The following CGNL1 variants were observed in gnomAD, a reference collection of about 807,000 sequenced individuals.
CGNL1 encodes the protein cingulin-like protein 1.
In CGNL1, 132 loss-of-function variants were observed where a neutral mutation model predicts 141.2. The observed-to-expected ratio is 0.93, with a 90% CI of 0.81 to 1.08. The LOEUF is 1.08. Ranked by LOEUF, CGNL1 falls within the 50% of genes least tolerant of loss-of-function variation. The probability of loss-of-function intolerance (pLI) is 0.00; values close to 1 mark genes in which losing one functional copy is unlikely to be tolerated. For synonymous variants in CGNL1, 690 were observed against 622.1 expected (o/e 1.11, Z -1.63); for missense variants, 1,870 against 1,588.6 (o/e 1.18, Z -3.01).
At chr15:57,506,509 G>T (rs1229715365) in intron 8 of CGNL1, among the ~76,000 whole-genome samples, 1 of 152,346 alleles carries the variant, frequency 6.6e-6, no homozygotes, top group African/African-American at 2.4e-5. Context: ...GCCTAAGGCT[G>T]TGTTTCATAG....
intron 1 of CGNL1, among the ~76,000 whole-genome samples, chr15:57,392,148 C>T (rs1255216261): frequency 6.6e-6 from 1 of 152,076 alleles, no homozygotes. Flanking sequence ...TCATGCCCTT[C>T]TTGGCTGTTT....
At chr15:57,381,208 G>A (rs967532465) in intron 1 of CGNL1, among the ~76,000 whole-genome samples, 2 of 152,146 alleles carry the variant, frequency 1.3e-5, no homozygotes, top group Non-Finnish European at 2.9e-5. Context: ...AGGTGGCAGT[G>A]ACCTCATTTT....
chr15:57,523,394 G>A (rs1276813725), intron 10 of CGNL1, 95 bp from the exon 11 acceptor site: 1 of 1,030,802 alleles, frequency 9.7e-7, no homozygotes, highest in South Asian at 1.5e-5. Context: ...AGATCTGATT[G>A]CTTTGCAGTG....
At chr15:57,414,463 A>T (rs2062826599) in intron 1 of CGNL1, among the ~76,000 whole-genome samples, 3 of 152,204 alleles carry the variant, frequency 2.0e-5, no homozygotes, top group African/African-American at 7.2e-5. Context: ...GAGTGCAGTG[A>T]GGAACAGTAC....
At chr15:57,503,505 C>T (rs2064056593) in intron 8 of CGNL1, among the ~76,000 whole-genome samples, 1 of 152,100 alleles carries the variant, frequency 6.6e-6, no homozygotes, top group African/African-American at 2.4e-5. Context: ...GAGGACTGGG[C>T]CCCCTTGTGT....
At chr15:57,452,909 G>C (rs892777748) in intron 6 of CGNL1, among the ~76,000 whole-genome samples, 1 of 152,174 alleles carries the variant, frequency 6.6e-6, no homozygotes, top group Admixed American at 6.5e-5. Context: ...TCAAGAAAAA[G>C]AGGACATTAT....
chr15:57,411,158 A>G (rs147465825), intron 1 of CGNL1, among the ~76,000 whole-genome samples: 97 of 152,362 alleles, frequency 6.4e-4, no homozygotes, highest in African/African-American at 2.0e-3. Flanking sequence ...CCACAGACAC[A>G]GAGACTTTTC....
chr15:57,546,038 A>G (rs758128517), intron 17 of CGNL1, 38 bp from the exon 18 acceptor site: 3 of 1,590,762 alleles, frequency 1.9e-6, no homozygotes, highest in Non-Finnish European at 2.6e-6. Flanking sequence ...GGGCTGGGCC[A>G]TCAGCCGGCA....
At chr15:57,483,081 C>T (rs551288863) in intron 8 of CGNL1, among the ~76,000 whole-genome samples, 2 of 152,348 alleles carry the variant, frequency 1.3e-5, no homozygotes, top group South Asian at 2.1e-4. Context: ...GCCACTGCGC[C>T]TGGCCTACCT....
At chr15:57,473,874 ACTTCTTCTTCTT>A (rs1270331869) in intron 8 of CGNL1, among the ~76,000 whole-genome samples, 19 of 109,810 alleles carry the variant, frequency 1.7e-4, no homozygotes, top group East Asian at 6.8e-4. Context: ...TGATTGAGTC[ACTTCTTCTTCTT>A]CTTCTTCTTC....
At chr15:57,490,408 ACACG>A (rs1435032749) in intron 8 of CGNL1, among the ~76,000 whole-genome samples, 1 of 151,482 alleles carries the variant, frequency 6.6e-6, no homozygotes, top group African/African-American at 2.4e-5. Flanking sequence ...ACACACACAC[ACACG>A]CACGCACGCG....
At chr15:57,485,278 C>T (rs2063772501) in intron 8 of CGNL1, among the ~76,000 whole-genome samples, 1 of 152,064 alleles carries the variant, frequency 6.6e-6, no homozygotes, top group South Asian at 2.1e-4. Flanking sequence ...TGTATGATTT[C>T]AGTCCTTTTA....
chr15:57,455,423 G>T (rs2063367460), intron 7 of CGNL1, among the ~76,000 whole-genome samples: 1 of 152,136 alleles, frequency 6.6e-6, no homozygotes, highest in African/African-American at 2.4e-5. Flanking sequence ...TAGCTCTTGG[G>T]AAGTCTCTGA....
intron 8 of CGNL1, among the ~76,000 whole-genome samples, chr15:57,497,510 A>T (rs770004134): frequency 5.3e-5 from 8 of 152,214 alleles, no homozygotes; most frequent in Non-Finnish European, 7.3e-5. Flanking sequence ...TGATCCTGCA[A>T]AGTAAAAGTC....
At chr15:57,473,176 A>G (rs533946641) in intron 8 of CGNL1, among the ~76,000 whole-genome samples, 38 of 152,318 alleles carry the variant, frequency 2.5e-4, no homozygotes, top group Admixed American at 3.3e-4. Context: ...TAATATTGCA[A>G]ACAGTTGAAT....
At chr15:57,388,950 G>C (rs368431116) in intron 1 of CGNL1, among the ~76,000 whole-genome samples, 2 of 152,106 alleles carry the variant, frequency 1.3e-5, no homozygotes, top group Non-Finnish European at 2.9e-5. Flanking sequence ...CTTTAGAGGA[G>C]GAATCTTCAC....
chr15:57,484,249 G>C (rs1475840210), intron 8 of CGNL1, among the ~76,000 whole-genome samples: 1 of 152,076 alleles, frequency 6.6e-6, no homozygotes, highest in Non-Finnish European at 1.5e-5. Context: ...ATTTCTTTTG[G>C]GGGAGTTTTA....
intron 16 of CGNL1, among the ~76,000 whole-genome samples, chr15:57,545,198 C>T (rs772292190): frequency 5.9e-5 from 9 of 152,208 alleles, no homozygotes; most frequent in African/African-American, 1.2e-4. Flanking sequence ...CTAGAAGGAG[C>T]GTGGTGTGCC....
intron 1 of CGNL1, among the ~76,000 whole-genome samples, chr15:57,380,582 G>A (rs2062413494): frequency 6.6e-6 from 1 of 152,082 alleles, no homozygotes; most frequent in South Asian, 2.1e-4. Flanking sequence ...GCTTTACTTG[G>A]GTTTACATTA....
Sources: gnomAD v4.1 joint callset for allele counts (sites outside exome capture counted in the v4.1 genomes callset) on GRCh38, gnomAD v4.1.1 for gene constraint, MANE v1.5 for transcripts, NCBI Gene and HGNC (gene_info 2026-07-23, HGNC 2026-07-21) for gene names.